ARID4A: variants seen among roughly 807,000 people sequenced by gnomAD.
The protein encoded by ARID4A is AT-rich interaction domain 4A.
A neutral mutation model predicts 148.6 loss-of-function variants in ARID4A; 39 were observed. The observed-to-expected ratio is 0.26, with a 90% confidence interval of 0.20 to 0.34. ARID4A has a LOEUF of 0.34. ARID4A is among the 10% of genes least tolerant of loss of function. The pLI is 1.00. For synonymous variants in ARID4A, 475 were observed against 481.2 expected (o/e 0.99, Z 0.17); for missense variants, 1,265 against 1,449.1 (o/e 0.87, Z 2.06).
chr14:58,299,572 G>C, intron 1 of ARID4A: 1 of 542,940 alleles, frequency 1.8e-6, no homozygotes. Flanking sequence ...GCGGGGGCGC[G>C]GTGGGCCGCT....
intron 18 of ARID4A, among the ~76,000 whole-genome samples, 154 bp from the exon 19 acceptor site, chr14:58,360,747 A>G (rs1594959057): frequency 6.6e-6 from 1 of 152,348 alleles, no homozygotes; most frequent in Middle Eastern, 3.4e-3. Context: ...CAGACCAGCC[A>G]GAAAACTCTT....
chr14:58,337,506 G>A (rs193185470), intron 11 of ARID4A, among the ~76,000 whole-genome samples: 3 of 151,718 alleles, frequency 2.0e-5, no homozygotes, highest in Admixed American at 2.0e-4. Context: ...ATTACTCTTT[G>A]AAACAAGGTG....
At chr14:58,302,095 T>G (rs1296994623) in intron 3 of ARID4A, among the ~76,000 whole-genome samples, 2 of 152,116 alleles carry the variant, frequency 1.3e-5, no homozygotes, top group Non-Finnish European at 2.9e-5. Flanking sequence ...TAGTGTCTCA[T>G]GCCTGTAATC....
chr14:58,350,581 TC>T (rs2034591017), intron 15 of ARID4A, among the ~76,000 whole-genome samples: 2 of 152,334 alleles, frequency 1.3e-5, no homozygotes, highest in South Asian at 4.1e-4. Context: ...AAAAATGTAA[TC>T]ATCCACAAAT....
intron 7 of ARID4A, among the ~76,000 whole-genome samples, chr14:58,321,919 G>C (rs1181837816): frequency 3.3e-5 from 5 of 151,644 alleles, no homozygotes; most frequent in Admixed American, 2.6e-4. Context: ...TTTTGTATTA[G>C]ATAATGTATA....
intron 17 of ARID4A, among the ~76,000 whole-genome samples, chr14:58,354,126 AG>A (rs1181252827): frequency 6.6e-6 from 1 of 152,186 alleles, no homozygotes; most frequent in Non-Finnish European, 1.5e-5. Context: ...GGGGAACCAT[AG>A]GGCATCTTAG....
At chr14:58,342,183 G>A (rs1194594845) in intron 11 of ARID4A, among the ~76,000 whole-genome samples, 1 of 152,220 alleles carries the variant, frequency 6.6e-6, no homozygotes, top group Non-Finnish European at 1.5e-5. Context: ...TATTGTAAGA[G>A]ATAAGCAATT....
chr14:58,299,849 A>T lies in ARID4A; in HGVS notation c.-6A>T. 6.2e-7 allele frequency: 1 copy of T among 1,614,138 alleles called. No homozygotes were observed. The highest frequency in any genetic ancestry group is 1.1e-5 in the South Asian group (1 of 91,084). ...TGAGCTGGAACCCCACAGATCACCA[A>T]CAAAAATGAAGGTAAGTGGAGTCAA... On this transcript the variant is annotated 5_prime_UTR_variant, in exon 2 of 24. Coordinates refer to ENST00000355431, the MANE Select transcript of ARID4A (RefSeq NM_002892.4).
chr14:58,315,438 A>G (rs1317212383), intron 5 of ARID4A, among the ~76,000 whole-genome samples: 2 of 152,232 alleles, frequency 1.3e-5, no homozygotes, highest in African/African-American at 2.4e-5. Flanking sequence ...CCATTGATTA[A>G]TGATAAAACA....
chr14:58,349,374 C>T (rs908939769), intron 15 of ARID4A, among the ~76,000 whole-genome samples: 3 of 151,890 alleles, frequency 2.0e-5, no homozygotes, highest in African/African-American at 4.8e-5. Context: ...CTGCCGGGCG[C>T]GGTGGCTCAT....
intron 8 of ARID4A, among the ~76,000 whole-genome samples, chr14:58,326,724 A>G (rs1335003397): frequency 1.3e-5 from 2 of 152,206 alleles, no homozygotes; most frequent in African/African-American, 4.8e-5. Context: ...GAAGGCCATT[A>G]AATAGTTCAT....
Position 58,346,356 on chromosome 14 carries a change from AT to A in ARID4A, c.980-53del, listed in dbSNP as rs2034364741. 65 of 1,299,850 alleles carry A rather than the reference AT, an allele frequency of 5.0e-5. 1 individual carries two copies. The East Asian group carries it at 1.5e-3, about 31-fold the overall frequency. The allele number at this position is 1,299,850 out of a possible 1,614,324, so 80.5% of individuals were successfully genotyped here. On this transcript the variant is annotated intron_variant, in intron 12 of 23. Transcript: ENST00000355431. ...TAGAAATTGACCGCTTTGTTTTCAA[AT>A]TAGTATTTCTCATTTGAATAAACAT...
chr14:58,323,965 C>T (rs546583771), intron 8 of ARID4A, among the ~76,000 whole-genome samples: 1 of 128,922 alleles, frequency 7.8e-6, no homozygotes, highest in South Asian at 2.4e-4. Flanking sequence ...AGTGCAGTGG[C>T]GCGATCTCGG....
At chr14:58,341,722 G>A (rs1410947238) in intron 11 of ARID4A, among the ~76,000 whole-genome samples, 1 of 152,138 alleles carries the variant, frequency 6.6e-6, no homozygotes, top group Non-Finnish European at 1.5e-5. Flanking sequence ...ATCTAGTAGT[G>A]TAGATAGATA....
intron 11 of ARID4A, among the ~76,000 whole-genome samples, chr14:58,338,911 AC>A (rs2033966551): frequency 1.4e-5 from 1 of 73,240 alleles, no homozygotes; most frequent in Non-Finnish European, 2.6e-5. Flanking sequence ...ACACCGCCCC[AC>A]CCCCCACCCC....
intron 2 of ARID4A, 103 bp downstream of exon 2, chr14:58,299,963 T>C: frequency 6.6e-7 from 1 of 1,513,738 alleles, no homozygotes; most frequent in South Asian, 1.1e-5. Context: ...AAATTGATGT[T>C]CCTACTGATC....
At chr14:58,355,408 A>G (rs1011770242) in intron 17 of ARID4A, among the ~76,000 whole-genome samples, 1 of 152,228 alleles carries the variant, frequency 6.6e-6, no homozygotes, top group Non-Finnish European at 1.5e-5. Context: ...CTATACATAC[A>G]TACCTACAAT....
At chr14:58,314,984 T>C (rs1221013356) in intron 5 of ARID4A, among the ~76,000 whole-genome samples, 2 of 152,016 alleles carry the variant, frequency 1.3e-5, no homozygotes, top group Non-Finnish European at 2.9e-5. Context: ...CCGGGCCTGG[T>C]GACGTGCACC....
At chr14:58,317,495 C>T (rs2032526429) in intron 5 of ARID4A, among the ~76,000 whole-genome samples, 1 of 150,956 alleles carries the variant, frequency 6.6e-6, no homozygotes, top group South Asian at 2.1e-4. Flanking sequence ...ACCGTGTTAG[C>T]CAGGATGGTC....
Sources: gnomAD v4.1 joint callset for allele counts (sites outside exome capture counted in the v4.1 genomes callset) on GRCh38, gnomAD v4.1.1 for gene constraint, MANE v1.5 for transcripts, NCBI Gene and HGNC (gene_info 2026-07-23, HGNC 2026-07-21) for gene names.